PARD3: variants seen among roughly 807,000 people sequenced by gnomAD.
The protein encoded by PARD3 is partitioning defective 3 homolog.
In PARD3, 75 loss-of-function variants were observed where a neutral mutation model predicts 155.4. The observed-to-expected ratio is 0.48, with a 90% CI of 0.40 to 0.58. The LOEUF (loss-of-function observed/expected upper bound fraction) is 0.58, where lower values mean the gene tolerates loss of function less well. Ranked by LOEUF, PARD3 falls within the 20% of genes least tolerant of loss-of-function variation. The probability of loss-of-function intolerance (pLI) is 0.00; values close to 1 mark genes in which losing one functional copy is unlikely to be tolerated. For missense variants in PARD3, 1,642 were observed against 1,721.7 expected, an observed-to-expected ratio of 0.95 and a Z score of 0.82; for synonymous variants, 576 against 610.5, an observed-to-expected ratio of 0.94 and a Z score of 0.83.
chr10:34,615,857 T>A (rs1208081395), intron 2 of PARD3, among the ~76,000 whole-genome samples: 1 of 152,150 alleles, frequency 6.6e-6, no homozygotes, highest in Non-Finnish European at 1.5e-5. Flanking sequence ...ACATCATTAT[T>A]CATAAGAAAA....
At chr10:34,604,973 T>C (rs1044139682) in intron 2 of PARD3, among the ~76,000 whole-genome samples, 1 of 152,020 alleles carries the variant, frequency 6.6e-6, no homozygotes, top group African/African-American at 2.4e-5. Context: ...CAGTAATATT[T>C]ATTTTTAACT....
chr10:34,448,810 A>C (rs1484522618), intron 5 of PARD3, among the ~76,000 whole-genome samples: 1 of 151,884 alleles, frequency 6.6e-6, no homozygotes, highest in Non-Finnish European at 1.5e-5. Flanking sequence ...ATCTCAAAAA[A>C]ATTAAATTAA....
At chr10:34,210,721 C>G (rs1588772187) in intron 22 of PARD3, among the ~76,000 whole-genome samples, 2 of 152,192 alleles carry the variant, frequency 1.3e-5, no homozygotes, top group East Asian at 3.9e-4. Flanking sequence ...ACAGCCACAG[C>G]CTGGACTTGG....
intron 12 of PARD3, among the ~76,000 whole-genome samples, chr10:34,370,515 A>G (rs1175123570): frequency 6.6e-6 from 1 of 152,200 alleles, no homozygotes; most frequent in East Asian, 1.9e-4. Flanking sequence ...CCTGGGCTCA[A>G]GTGATCCTCC....
At chr10:34,404,785 A>T (rs143050523) in intron 5 of PARD3, among the ~76,000 whole-genome samples, 2 of 152,176 alleles carry the variant, frequency 1.3e-5, no homozygotes, top group East Asian at 3.9e-4. Flanking sequence ...AAACGTGAAC[A>T]ATAAAAACAT....
chr10:34,749,431 T>C (rs1247106205), intron 1 of PARD3, among the ~76,000 whole-genome samples: 4 of 151,894 alleles, frequency 2.6e-5, no homozygotes, highest in Non-Finnish European at 4.4e-5. Context: ...AAGAGGATTA[T>C]TAGTTTTGAA....
chr10:34,300,917 A>C (rs1308884002), intron 20 of PARD3, among the ~76,000 whole-genome samples: 2 of 152,194 alleles, frequency 1.3e-5, no homozygotes, highest in African/African-American at 4.8e-5. Context: ...CAGCAAAATC[A>C]ATCACCAAAT....
intron 2 of PARD3, among the ~76,000 whole-genome samples, chr10:34,685,040 G>A (rs180904235): frequency 4.4e-4 from 67 of 152,160 alleles, no homozygotes; most frequent in East Asian, 1.5e-3. Flanking sequence ...AATTATTCAC[G>A]CACTCTGGTT....
intron 14 of PARD3, among the ~76,000 whole-genome samples, chr10:34,350,588 A>G (rs1437949702): frequency 7.1e-5 from 9 of 125,952 alleles, no homozygotes; most frequent in Admixed American, 5.9e-4. Context: ...AGCCGAGATC[A>G]CGCCACTGCA....
intron 2 of PARD3, among the ~76,000 whole-genome samples, chr10:34,573,748 C>A (rs868496761): frequency 3.9e-4 from 44 of 114,050 alleles, no homozygotes; most frequent in African/African-American, 1.6e-3. Context: ...CACACACACA[C>A]ACACACACAC....
chr10:34,553,309 G>A (rs1275314190), intron 2 of PARD3, among the ~76,000 whole-genome samples: 2 of 152,162 alleles, frequency 1.3e-5, no homozygotes, highest in African/African-American at 4.8e-5. Context: ...GAATCTGAGT[G>A]CACAGAGCAG....
chr10:34,182,979 C>G (rs1411195359), intron 22 of PARD3, among the ~76,000 whole-genome samples: 3 of 152,100 alleles, frequency 2.0e-5, no homozygotes, highest in African/African-American at 7.2e-5. Flanking sequence ...GATAAGCAGA[C>G]TGGGGAAACA....
chr10:34,699,116 T>A (rs960815659), intron 1 of PARD3, among the ~76,000 whole-genome samples: 6 of 152,180 alleles, frequency 3.9e-5, no homozygotes, highest in African/African-American at 1.4e-4. Flanking sequence ...TTTTCTAATT[T>A]TGAGAGTCAA....
At position 34,159,322 on chromosome 10, in the gene PARD3, T is replaced by C. The variant is rs555343964; in HGVS notation, c.3420-27739A>G. 3.3e-5 allele frequency among the ~76,000 whole-genome samples: 5 copies of C among 152,314 alleles called. No individual in the cohort carries two copies. In the South Asian group the frequency reaches 1.0e-3, roughly 32 times the overall value. On this transcript the variant is annotated intron_variant, in intron 22 of 24. Transcript: ENST00000374788. ...TGAGTAGCAAATGAGTTGGTGTAAG[T>C]AGGGAAAGCACTCAATGCTGTGGTT...
chr10:34,522,308 T>C (rs1342339), intron 2 of PARD3, among the ~76,000 whole-genome samples: 74,192 of 151,826 alleles, frequency 0.49, 20,365 homozygotes, highest in African/African-American at 0.76. Flanking sequence ...AAGGCAAGGA[T>C]ATAGATTCTC....
At chr10:34,141,497 T>A (rs1041626708) in intron 22 of PARD3, among the ~76,000 whole-genome samples, 1 of 152,214 alleles carries the variant, frequency 6.6e-6, no homozygotes, top group Non-Finnish European at 1.5e-5. Context: ...TCTGATGTGA[T>A]AGCTCCAGTT....
intron 2 of PARD3, among the ~76,000 whole-genome samples, chr10:34,534,181 G>T (rs948004822): frequency 2.6e-5 from 4 of 151,346 alleles, no homozygotes; most frequent in Non-Finnish European, 5.9e-5. Flanking sequence ...CAGGAGAATG[G>T]CATGAACCTG....
chr10:34,715,814 C>G (rs1428388576), intron 1 of PARD3, among the ~76,000 whole-genome samples: 1 of 152,200 alleles, frequency 6.6e-6, no homozygotes, highest in Non-Finnish European at 1.5e-5. Context: ...AATCTGTGGT[C>G]TAGCATACGA....
intron 22 of PARD3, among the ~76,000 whole-genome samples, chr10:34,159,280 T>A (rs1949158982): frequency 1.3e-5 from 2 of 152,188 alleles, no homozygotes; most frequent in African/African-American, 4.8e-5. Context: ...TAGCTTCTAC[T>A]GCTACTCATG....
Sources: gnomAD v4.1 joint callset for allele counts (sites outside exome capture counted in the v4.1 genomes callset) on GRCh38, gnomAD v4.1.1 for gene constraint, MANE v1.5 for transcripts, NCBI Gene and HGNC (gene_info 2026-07-23, HGNC 2026-07-21) for gene names.